Variants in C8orf89 observed in about 807,000 individuals in gnomAD.
C8orf89 encodes the protein chromosome 8 open reading frame 89.
A neutral mutation model predicts 15.8 loss-of-function variants in C8orf89; 14 were observed. That is an observed-to-expected ratio of 0.89 (90% confidence interval 0.59 to 1.39). The LOEUF (loss-of-function observed/expected upper bound fraction) is 1.39, where lower values mean the gene tolerates loss of function less well. C8orf89 is among the 40% of genes most tolerant of loss of function. The pLI, the probability that C8orf89 is intolerant of heterozygous loss-of-function variation, is 0.00. For missense variants in C8orf89, 181 were observed against 184.5 expected, an observed-to-expected ratio of 0.98 and a Z score of 0.11; for synonymous variants, 55 against 62.2, an observed-to-expected ratio of 0.88 and a Z score of 0.54.
chr8:73,254,238 T>C (rs1376727578), intron 2 of C8orf89, among the ~76,000 whole-genome samples: 1 of 152,102 alleles, frequency 6.6e-6, no homozygotes, highest in Non-Finnish European at 1.5e-5. Flanking sequence ...ATTACATTTA[T>C]TGATTTGCAT....
the C8orf89 span, among the ~76,000 whole-genome samples, chr8:73,274,069 A>G: frequency 2.0e-5 from 3 of 151,944 alleles, no homozygotes. Flanking sequence ...CTTTTATATT[A>G]TATTGCTTGT....
At chr8:73,248,706 T>G (rs1042578074) in intron 3 of C8orf89, among the ~76,000 whole-genome samples, 1 of 152,200 alleles carries the variant, frequency 6.6e-6, no homozygotes, top group African/African-American at 2.4e-5. Flanking sequence ...GTGCCAATTG[T>G]AAATGGGATT....
At position 73,241,478 on chromosome 8, in the gene C8orf89, T is replaced by G; in HGVS notation, c.465A>C (p.Lys155Asn). Residue 155 changes from lysine (K) to asparagine (N), a missense_variant, in exon 4 of 4, where the codon AAA becomes AAC. Transcript: ENST00000624510. Reference protein sequence around the residue: ...ETTTKSKKSKKRDLRDR With the variant: ...ETTTKSKKSKNRDLRDR ...TTTTTCAGCGGTCTCGGAGGTCTCGTTTCTTGCTTTTTTTTGATTTTGTGG... is the reference window on the plus strand; with the variant it reads ...TTTTTCAGCGGTCTCGGAGGTCTCGGTTCTTGCTTTTTTTTGATTTTGTGG... 1 of 1,529,646 alleles carries G rather than the reference T, an allele frequency of 6.5e-7. No homozygotes were observed. Among genetic ancestry groups the G allele is most frequent in the Non-Finnish European group, 8.7e-7 (1 of 1,143,428 alleles). 94.8% of individuals were successfully genotyped at this position (1,529,646 alleles called of 1,614,324 possible). A position where few individuals can be genotyped will look rare whatever the true frequency, so the allele number is the denominator to read the frequency against.
chr8:73,285,650 C>A, the C8orf89 span, among the ~76,000 whole-genome samples: 1 of 152,226 alleles, frequency 6.6e-6, no homozygotes, highest in Non-Finnish European at 1.5e-5. Flanking sequence ...GATTTCTTTG[C>A]GATCCTGGCC....
chr8:73,264,932 A>G, the C8orf89 span, among the ~76,000 whole-genome samples: 1 of 152,214 alleles, frequency 6.6e-6, no homozygotes, highest in Non-Finnish European at 1.5e-5. Flanking sequence ...GGCATGTTCT[A>G]TAGGTAGACA....
the C8orf89 span, among the ~76,000 whole-genome samples, chr8:73,276,181 T>TG: frequency 6.5e-4 from 97 of 149,788 alleles, no homozygotes; most frequent in African/African-American, 2.1e-3. Context: ...TCTGATGCTT[T>TG]TTTTTTTTTT....
At chr8:73,259,219 T>C in intron 1 of C8orf89, 113 bp downstream of exon 1, 1 of 618,102 alleles carries the variant, frequency 1.6e-6, no homozygotes, top group East Asian at 3.2e-5. Flanking sequence ...ATTTAAGATA[T>C]AATTCTTACA....
chr8:73,250,496 C>A (rs1005590887), intron 2 of C8orf89, among the ~76,000 whole-genome samples, 173 bp from the exon 3 acceptor site: 6 of 152,164 alleles, frequency 3.9e-5, no homozygotes, highest in African/African-American at 1.4e-4. Flanking sequence ...ATCTTGCTAG[C>A]AAATTTTACC....
At chr8:73,260,230 A>G (rs1476959352), upstream of C8orf89, among the ~76,000 whole-genome samples, 1 of 152,236 alleles carries the variant, frequency 6.6e-6, no homozygotes, top group Non-Finnish European at 1.5e-5. Context: ...AGTAAAAGAA[A>G]TACGGATGAG....
intron 2 of C8orf89, among the ~76,000 whole-genome samples, chr8:73,255,605 C>T (rs1420951778): frequency 2.0e-5 from 3 of 150,286 alleles, no homozygotes; most frequent in African/African-American, 7.3e-5. Flanking sequence ...CATCCCATTA[C>T]TGGGTATATA....
At chr8:73,274,739 T>C in the C8orf89 span, among the ~76,000 whole-genome samples, 4 of 152,210 alleles carry the variant, frequency 2.6e-5, no homozygotes, top group African/African-American at 9.6e-5. Context: ...CACGTAGGTA[T>C]AGGAGAAAAG....
At chr8:73,259,281 C>A in intron 1 of C8orf89, 51 bp downstream of exon 1, 1 of 1,193,162 alleles carries the variant, frequency 8.4e-7, no homozygotes. Flanking sequence ...CATGGAAATT[C>A]AAGGCACTAT....
intron 2 of C8orf89, among the ~76,000 whole-genome samples, chr8:73,256,276 A>G (rs908306773): frequency 2.6e-5 from 4 of 152,054 alleles, no homozygotes; most frequent in African/African-American, 4.8e-5. Flanking sequence ...CTTCCTTCAC[A>G]TTACTTCAGT....
chr8:73,262,210 C>T (rs1813542648), upstream of C8orf89, among the ~76,000 whole-genome samples: 1 of 152,124 alleles, frequency 6.6e-6, no homozygotes, highest in Non-Finnish European at 1.5e-5. Flanking sequence ...GACCAGACAA[C>T]TTTCTTTCAG....
At chr8:73,271,248 A>G in the C8orf89 span, among the ~76,000 whole-genome samples, 1 of 152,124 alleles carries the variant, frequency 6.6e-6, no homozygotes, top group Non-Finnish European at 1.5e-5. Flanking sequence ...TCCTCCCCAA[A>G]TCTCATGCTG....
At chr8:73,265,310 G>A in the C8orf89 span, among the ~76,000 whole-genome samples, 8 of 152,328 alleles carry the variant, frequency 5.3e-5, no homozygotes, top group South Asian at 1.7e-3. Context: ...CAGATATCAG[G>A]TATTTTAGGG....
the C8orf89 span, among the ~76,000 whole-genome samples, chr8:73,264,543 T>G: frequency 2.0e-5 from 3 of 152,158 alleles, no homozygotes. Context: ...CAGGCTGGAG[T>G]GCAGTGGCGC....
At chr8:73,275,110 C>T in the C8orf89 span, among the ~76,000 whole-genome samples, 1 of 151,928 alleles carries the variant, frequency 6.6e-6, no homozygotes, top group African/African-American at 2.4e-5. Flanking sequence ...TTTAACTTTA[C>T]TTACTACTAA....
the C8orf89 span, among the ~76,000 whole-genome samples, chr8:73,279,203 C>T: frequency 1.3e-5 from 2 of 152,130 alleles, no homozygotes; most frequent in African/African-American, 4.8e-5. Flanking sequence ...AGTTAATTTC[C>T]TTACATATTC....
Sources: gnomAD v4.1 joint callset for allele counts (sites outside exome capture counted in the v4.1 genomes callset) on GRCh38, gnomAD v4.1.1 for gene constraint, MANE v1.5 for transcripts, NCBI Gene and HGNC (gene_info 2026-07-23, HGNC 2026-07-21) for gene names.